Variants in PALLD observed in about 807,000 individuals in gnomAD.
PALLD encodes the protein palladin.
Under a neutral mutation model 123.5 loss-of-function variants are expected in PALLD, and 61 were observed. The ratio of observed to expected loss-of-function variants is 0.49; its 90% CI spans 0.40 to 0.61. The LOEUF is 0.61. Among genes scored for constraint, PALLD ranks in the 20% least tolerant of loss-of-function variants. PALLD has a pLI of 0.00. For synonymous variants in PALLD, 465 were observed against 496.4 expected (o/e 0.94, Z 0.84); for missense variants, 1,273 against 1,377.0 (o/e 0.92, Z 1.20).
At chr4:168,777,581 C>T (rs1255100528) in intron 10 of PALLD, among the ~76,000 whole-genome samples, 1 of 152,100 alleles carries the variant, frequency 6.6e-6, no homozygotes, top group African/African-American at 2.4e-5. Flanking sequence ...CTGTGGCAAC[C>T]CAAGGCCACA....
chr4:168,685,810 G>GAAAAAAAAAAAAAAAAA (rs70961550), intron 6 of PALLD, among the ~76,000 whole-genome samples: 2 of 65,666 alleles, frequency 3.0e-5, no homozygotes, highest in Non-Finnish European at 2.8e-5. Flanking sequence ...AAGACAGATA[G>GAAAAAAAAAAAAAAAAA]AAAAAAAAAA....
At chr4:168,597,339 C>G (rs139135043) in intron 2 of PALLD, among the ~76,000 whole-genome samples, 2 of 152,032 alleles carry the variant, frequency 1.3e-5, no homozygotes, top group African/African-American at 4.8e-5. Flanking sequence ...ACATTTGTGC[C>G]TGAAACTCAT....
intron 8 of PALLD, among the ~76,000 whole-genome samples, chr4:168,705,030 A>G (rs1784096444): frequency 6.6e-6 from 1 of 151,714 alleles, no homozygotes; most frequent in East Asian, 1.9e-4. Context: ...TCCTACTTAC[A>G]TCTTATATTT....
At chr4:168,705,690 G>C (rs542601655) in intron 8 of PALLD, among the ~76,000 whole-genome samples, 1 of 152,262 alleles carries the variant, frequency 6.6e-6, no homozygotes, top group African/African-American at 2.4e-5. Flanking sequence ...AGGCTGGAGT[G>C]CAGTGGCCCG....
chr4:168,679,095 G>T (rs1371409518), intron 3 of PALLD, among the ~76,000 whole-genome samples: 5 of 133,096 alleles, frequency 3.8e-5, no homozygotes, highest in African/African-American at 5.9e-5. Context: ...TGTGTTTGGG[G>T]TGTTTATGGT....
intron 7 of PALLD, 119 bp downstream of exon 7, chr4:168,690,863 T>A: frequency 9.6e-7 from 1 of 1,043,060 alleles, no homozygotes; most frequent in Non-Finnish European, 1.5e-6. Flanking sequence ...AGTGGCAGGA[T>A]CAGATAATCT....
chr4:168,826,618 ACT>A (rs1280993424), intron 10 of PALLD, among the ~76,000 whole-genome samples: 3 of 152,062 alleles, frequency 2.0e-5, no homozygotes, highest in African/African-American at 7.2e-5. Context: ...TATTTTTTTT[ACT>A]CTGTTTTTTA....
chr4:168,921,099 G>A (rs1761391841), intron 17 of PALLD, among the ~76,000 whole-genome samples: 1 of 152,084 alleles, frequency 6.6e-6, no homozygotes, highest in Non-Finnish European at 1.5e-5. Context: ...AGAGTAACAT[G>A]AGCTGATACT....
chr4:168,923,873 C>G (rs1031133824), intron 18 of PALLD, among the ~76,000 whole-genome samples: 4 of 152,054 alleles, frequency 2.6e-5, no homozygotes, highest in Non-Finnish European at 5.9e-5. Context: ...TACTTGTCCT[C>G]AGCACCACTA....
intron 2 of PALLD, among the ~76,000 whole-genome samples, chr4:168,567,335 C>A (rs1768496438): frequency 6.6e-6 from 1 of 151,814 alleles, no homozygotes; most frequent in South Asian, 2.1e-4. Flanking sequence ...AAGAAATAAA[C>A]AACTCTATGA....
At chr4:168,924,848 C>A in intron 19 of PALLD, 97 bp from the exon 20 acceptor site, 2 of 1,252,190 alleles carry the variant, frequency 1.6e-6, no homozygotes, top group Non-Finnish European at 2.3e-6. Context: ...GCTACTTGCA[C>A]AATTCTGTTT....
At chr4:168,671,708 C>T (rs768031642) in intron 3 of PALLD, among the ~76,000 whole-genome samples, 1 of 152,198 alleles carries the variant, frequency 6.6e-6, no homozygotes, top group Non-Finnish European at 1.5e-5. Context: ...CAGATAAATT[C>T]TTAGCCTCAA....
At chr4:168,728,460 G>T (rs139356143) in intron 10 of PALLD, among the ~76,000 whole-genome samples, 44 of 152,130 alleles carry the variant, frequency 2.9e-4, no homozygotes, top group Middle Eastern at 3.4e-3. Context: ...TTTTCTTTGT[G>T]AATATTGTAA....
At chr4:168,860,044 A>G (rs933214927) in intron 10 of PALLD, among the ~76,000 whole-genome samples, 1 of 152,234 alleles carries the variant, frequency 6.6e-6, no homozygotes, top group Non-Finnish European at 1.5e-5. Context: ...TAATAGCTAC[A>G]TGTGGCTAAT....
intron 1 of PALLD, among the ~76,000 whole-genome samples, chr4:168,498,045 TAA>T (rs1201274428): frequency 6.6e-6 from 1 of 152,254 alleles, no homozygotes; most frequent in Non-Finnish European, 1.5e-5. Flanking sequence ...ATGCAGAAAT[TAA>T]ATCCTCATTT....
At chr4:168,893,416 A>C (rs575217675) in intron 11 of PALLD, among the ~76,000 whole-genome samples, 1 of 152,300 alleles carries the variant, frequency 6.6e-6, no homozygotes, top group East Asian at 1.9e-4. Flanking sequence ...GTCATTTGGC[A>C]CTTGACTTGT....
intron 15 of PALLD, among the ~76,000 whole-genome samples, chr4:168,907,839 A>C (rs1758128424): frequency 6.6e-6 from 1 of 152,104 alleles, no homozygotes; most frequent in Non-Finnish European, 1.5e-5. Flanking sequence ...TATCAAAAGG[A>C]GAAAAAAAAA....
chr4:168,602,043 G>C (rs1772715599), intron 2 of PALLD, among the ~76,000 whole-genome samples: 2 of 152,166 alleles, frequency 1.3e-5, no homozygotes, highest in South Asian at 4.1e-4. Context: ...ATCCAGCATA[G>C]AGCACTCTTG....
At chr4:168,711,957 C>T in intron 10 of PALLD, 34 bp downstream of exon 10, 2 of 1,557,448 alleles carry the variant, frequency 1.3e-6, no homozygotes, top group Non-Finnish European at 1.8e-6. Context: ...TAATAATTTC[C>T]ATACCCCTGT....
Sources: gnomAD v4.1 joint callset for allele counts (sites outside exome capture counted in the v4.1 genomes callset) on GRCh38, gnomAD v4.1.1 for gene constraint, MANE v1.5 for transcripts, NCBI Gene and HGNC (gene_info 2026-07-23, HGNC 2026-07-21) for gene names.